Variants in ITPR3 observed in about 807,000 individuals in gnomAD.
ITPR3 encodes the protein inositol 1,4,5-trisphosphate-gated calcium channel ITPR3.
ITPR3 carries 173 observed loss-of-function variants against 293.2 expected under a neutral mutation model. The ratio of observed to expected loss-of-function variants is 0.59; its 90% confidence interval spans 0.52 to 0.67. ITPR3 has a LOEUF of 0.67. Ranked by LOEUF, ITPR3 falls within the 30% of genes least tolerant of loss-of-function variation. ITPR3 has a pLI of 0.00. For synonymous variants in ITPR3, 1,295 were observed against 1,444.4 expected, an observed-to-expected ratio of 0.90 and a Z score of 2.35; for missense variants, 2,796 against 3,592.1, an observed-to-expected ratio of 0.78 and a Z score of 5.66.
rs1489088088 is a variant in ITPR3, at chr6:33,662,015, AAAG to A, written c.712-511_712-509del. ...CTGAAAAAAAAAAAAAAAAAAAAAA[AAAG>A]ACAGGATCCAAACGTGGTATCTCTG... On this transcript the variant is annotated intron_variant, in intron 7 of 57. Coordinates refer to ENST00000605930, the MANE Select transcript of ITPR3 (RefSeq NM_002224.4). Among the ~76,000 whole-genome samples the A allele has an allele frequency of 2.0e-5, 3 of 147,950 alleles. No individual in the cohort carries two copies. In the East Asian group the frequency reaches 5.8e-4, roughly 29 times the overall value.
chr6:33,623,164 G>A (rs570276384), intron 1 of ITPR3, among the ~76,000 whole-genome samples: 15 of 152,188 alleles, frequency 9.9e-5, no homozygotes, highest in Admixed American at 5.2e-4. Context: ...CTGAGGGAAG[G>A]AGGAGAGGGT....
chr6:33,672,957 C>G lies in ITPR3; in HGVS notation c.2929-634C>G, dbSNP rs1764808381. 6.6e-6 allele frequency among the ~76,000 whole-genome samples: 1 copy of G among 152,172 alleles called. No homozygotes were observed. The highest frequency in any genetic ancestry group is 2.1e-4 in the South Asian group (1 of 4,834). On this transcript the variant is annotated intron_variant, in intron 22 of 57. Coordinates refer to ENST00000605930, the MANE Select transcript of ITPR3 (RefSeq NM_002224.4). The surrounding 1 kb of genome is among the most constrained non-coding windows in gnomAD (Gnocchi z 5.0). ...CTTTTGCCTTGCTGTCACCGGAGGG[C>G]AGGAAGGGTAGTGCAGTGACCTCCG...
At chr6:33,645,616 C>T (rs547647864) in intron 2 of ITPR3, among the ~76,000 whole-genome samples, 14 of 152,270 alleles carry the variant, frequency 9.2e-5, no homozygotes, top group East Asian at 3.9e-4. Flanking sequence ...GAGAGGAATG[C>T]GCCTCCATGG....
In ITPR3 at chr6:33,659,122, G is replaced by T. The variant is rs754945847; in HGVS notation, c.627+3G>T. 3 of 1,613,524 alleles carry T rather than the reference G, an allele frequency of 1.9e-6. No individual in the cohort carries two copies. Among genetic ancestry groups the T allele is most frequent in the Non-Finnish European group, 2.5e-6 (3 of 1,179,792 alleles). ...GCGACAACGCCGGCTGCAAGGAGGTGAGGGGGTGGGGGGTCAGCCATGCAG... is the reference window on the plus strand; with the variant it reads ...GCGACAACGCCGGCTGCAAGGAGGTTAGGGGGTGGGGGGTCAGCCATGCAG... On this transcript the variant is annotated splice_donor_region_variant and intron_variant, in intron 6 of 57. Transcript: ENST00000605930.
chr6:33,628,980 A>C (rs1055494963), intron 1 of ITPR3, among the ~76,000 whole-genome samples: 1 of 152,196 alleles, frequency 6.6e-6, no homozygotes, highest in Non-Finnish European at 1.5e-5. Context: ...GGGAAAATTA[A>C]GTCTGTGTCT....
Position 33,670,567 on chromosome 6 carries a change from C to A in ITPR3, c.2432C>A (p.Thr811Asn), listed in dbSNP as rs1372557380. ...TGGACTGAGATCCCCACAGCCATCA[C>A]CATCAAGGAGTGAGAGGGGTGGAGG... ...RLWTEIPTAITIKDYDSNLNA... is the reference protein window; with the variant it reads ...RLWTEIPTAINIKDYDSNLNA... The change falls in exon 19 of 58, where the codon ACC becomes AAC. Residue 811 changes from threonine (T) to asparagine (N), a missense_variant. Around this residue, in one of 8 missense-constraint regions of ITPR3, gnomAD observed 955 missense variants for 1,180.8 expected, o/e 0.81. Transcript: ENST00000605930. This position sits in a 1 kb window ranked among gnomAD's most constrained non-coding sequence, Gnocchi z 6.7. 6.2e-7 allele frequency: 1 copy of A among 1,613,268 alleles called. No individual in the cohort carries two copies. The highest frequency in any genetic ancestry group is 8.5e-7 in the Non-Finnish European group (1 of 1,179,848).
At chr6:33,694,254 G>A (rs1179576834) in intron 56 of ITPR3, 1 of 156,354 alleles carries the variant, frequency 6.4e-6, no homozygotes, top group Non-Finnish European at 1.4e-5. Flanking sequence ...TCCAATTTCT[G>A]TAATAATGGA....
At chr6:33,626,269 C>T (rs561953651) in intron 1 of ITPR3, among the ~76,000 whole-genome samples, 34 of 152,246 alleles carry the variant, frequency 2.2e-4, no homozygotes, top group African/African-American at 7.9e-4. Flanking sequence ...CCTGCCTTCT[C>T]AGAGTGAGTT....
In ITPR3 at chr6:33,662,640, C is replaced by T; in HGVS notation, c.824C>T (p.Ser275Leu). The change falls in exon 8 of 58, where the codon TCG (serine) becomes TTG (leucine). Residue 275 changes from serine (S) to leucine (L), a missense_variant. Around this residue, in one of 8 missense-constraint regions of ITPR3, gnomAD observed 955 missense variants for 1,180.8 expected, o/e 0.81. Coordinates refer to ENST00000605930, the MANE Select transcript of ITPR3 (RefSeq NM_002224.4). ...LRTTLRQSAT[S>L]ATSSNALWEV... The stretch of plus-strand genomic sequence containing the variant: ...ACTACACTGCGCCAGTCTGCCACCT[C>T]GGCCACCAGCTCCAATGCTCTCTGG... 4.3e-6 allele frequency: 7 copies of T among 1,610,218 alleles called. No homozygotes were observed. Among genetic ancestry groups the T allele is most frequent in the Non-Finnish European group, 5.9e-6 (7 of 1,179,972 alleles).
At position 33,673,773 on chromosome 6, in the gene ITPR3, C is replaced by A. The variant is rs924211867; in HGVS notation, c.3058+53C>A. ...AGGCTGTGCGACTCTCCCAGGGATA[C>A]ACAGCAGTGGGGTGGAGCCAGCTCC... is the stretch of plus-strand genomic sequence containing the variant. On this transcript the variant is annotated intron_variant, in intron 23 of 57. Coordinates refer to ENST00000605930, the MANE Select transcript of ITPR3 (RefSeq NM_002224.4). 6 of 1,600,080 alleles carry A rather than the reference C, an allele frequency of 3.7e-6. No individual in the cohort carries two copies. In the African/African-American group the frequency reaches 6.7e-5, roughly 18 times the overall value.
chr6:33,675,872 G>C lies in ITPR3; in HGVS notation c.3282+16G>C. On this transcript the variant is annotated intron_variant, in intron 25 of 57. Transcript: ENST00000605930. The surrounding 1 kb of genome is among the most constrained non-coding windows in gnomAD (Gnocchi z 5.0). Reference sequence around the variant, plus strand: ...CTTCAAGCAGGTGACGGGACTACCTGGCCCTGGCCCTGAGCATGAGGCCTG... The same window carrying C: ...CTTCAAGCAGGTGACGGGACTACCTCGCCCTGGCCCTGAGCATGAGGCCTG... 2 of 1,544,910 alleles carry C rather than the reference G, an allele frequency of 1.3e-6. No homozygotes were observed. Among genetic ancestry groups the C allele is most frequent in the Non-Finnish European group, 1.7e-6 (2 of 1,143,500 alleles).
Position 33,684,656 on chromosome 6 carries a change from C to G in ITPR3, c.5105C>G (p.Ser1702Trp). 6.2e-7 allele frequency: 1 copy of G among 1,614,108 alleles called. No homozygotes were observed. The highest frequency in any genetic ancestry group is 8.5e-7 in the Non-Finnish European group (1 of 1,180,024). Residue 1702 changes from serine to tryptophan, a missense_variant, in exon 38 of 58, where the codon TCG (serine) becomes TGG (tryptophan). Physicochemically the swap from Ser to Trp is radical, Grantham distance 177. Coordinates refer to ENST00000605930, the MANE Select transcript of ITPR3 (RefSeq NM_002224.4). This position sits in a 1 kb window ranked among gnomAD's most constrained non-coding sequence, Gnocchi z 4.2. The part of the protein sequence containing the change: ...QNYLQNRKST[S>W]RGDLPDPIGT... ...TACCTCCAGAACCGGAAGTCCACCT[C>G]GCGGGGGGACCTTCCCGACCCCATA...
In ITPR3 at chr6:33,688,302, C is replaced by T; in HGVS notation, c.6439C>T (p.Leu2147=). The change falls in exon 48 of 58, where the codon CTG becomes TTG. Residue 2147 remains leucine, a synonymous_variant. Transcript: ENST00000605930. ...VFPVPGICQF[L]TEETKHRLFT... ...CCCAGTGCCCGGCATCTGCCAGTTC[C>T]TGACGGAGGAAACCAAGCACCGGCT... The T allele has an allele frequency of 6.2e-7, 1 of 1,614,214 alleles. No homozygotes were observed. Among genetic ancestry groups the T allele is most frequent in the Non-Finnish European group, 8.5e-7 (1 of 1,180,030 alleles).
rs760454782 is a variant in ITPR3 at position 33,672,247 on chromosome 6, T to C, written c.2928+19T>C. The C allele has an allele frequency of 6.3e-7, 1 of 1,594,018 alleles. No individual in the cohort carries two copies. Among genetic ancestry groups the C allele is most frequent in the Non-Finnish European group, 8.6e-7 (1 of 1,168,204 alleles). On this transcript the variant is annotated intron_variant, in intron 22 of 57. Coordinates refer to ENST00000605930, the MANE Select transcript of ITPR3 (RefSeq NM_002224.4). This position sits in a 1 kb window ranked among gnomAD's most constrained non-coding sequence, Gnocchi z 5.0. ...CCTTCAGGTGCCTGGGCCAGGACCGTGTGGGAGGTGTTGGGTATAGGGGGA... is the reference window on the plus strand; with the variant it reads ...CCTTCAGGTGCCTGGGCCAGGACCGCGTGGGAGGTGTTGGGTATAGGGGGA...
chr6:33,658,539 T>G lies in ITPR3; in HGVS notation c.370-131T>G. 2 of 1,086,840 alleles carry G rather than the reference T, an allele frequency of 1.8e-6. No homozygotes were observed. Among genetic ancestry groups the G allele is most frequent in the East Asian group, 2.4e-5 (1 of 42,026 alleles). 67.3% of individuals were successfully genotyped at this position (1,086,840 alleles called of 1,614,324 possible). On this transcript the variant is annotated intron_variant, in intron 4 of 57. Coordinates refer to ENST00000605930, the MANE Select transcript of ITPR3 (RefSeq NM_002224.4). This position sits in a 1 kb window ranked among gnomAD's most constrained non-coding sequence, Gnocchi z 6.1. ...GAATGTGGGTGTCAGCCTGTATGTT[T>G]GTGACAGGTGTCTGACACTATGTGT...
intron 23 of ITPR3, among the ~76,000 whole-genome samples, 191 bp from the exon 24 acceptor site, chr6:33,674,017 C>T (rs373838954): frequency 2.6e-5 from 4 of 152,202 alleles, no homozygotes; most frequent in African/African-American, 4.8e-5. Flanking sequence ...ATCTCTGCCC[C>T]CTTTGTACTG....
rs1298405613 is a variant in ITPR3 at position 33,655,753 on chromosome 6, T to C, written c.161-13T>C. On this transcript the variant is annotated splice_polypyrimidine_tract_variant and intron_variant, in intron 2 of 57. Coordinates refer to ENST00000605930, the MANE Select transcript of ITPR3 (RefSeq NM_002224.4). The surrounding 1 kb of genome is among the most constrained non-coding windows in gnomAD (Gnocchi z 4.9). Reference sequence around the variant, plus strand: ...TGAATCATTCCCCTCACCCCCAACCTGCCCCACCACAGACTGCCTCTTCAA... The same window carrying C: ...TGAATCATTCCCCTCACCCCCAACCCGCCCCACCACAGACTGCCTCTTCAA... 1.2e-6 allele frequency: 2 copies of C among 1,613,714 alleles called. No homozygotes were observed.
In ITPR3 at chr6:33,678,489, C is replaced by T; in HGVS notation, c.3717C>T (p.Asn1239=). 1 of 1,613,664 alleles carries T rather than the reference C, an allele frequency of 6.2e-7. No individual in the cohort carries two copies. The highest frequency in any genetic ancestry group is 8.5e-7 in the Non-Finnish European group (1 of 1,180,014). Residue 1239 remains asparagine, a synonymous_variant, in exon 29 of 58, where the codon AAC becomes AAT. Coordinates refer to ENST00000605930, the MANE Select transcript of ITPR3 (RefSeq NM_002224.4). Reference sequence around the variant, plus strand: ...TCCTGCAGAAGTTCTGTGCAGGGAACCCCGGCAACCAGGCCCTGCTGCACA... The same window carrying T: ...TCCTGCAGAAGTTCTGTGCAGGGAATCCCGGCAACCAGGCCCTGCTGCACA... The part of the protein sequence containing the change: ...HQFLQKFCAG[N]PGNQALLHKH...
In ITPR3 at chr6:33,678,728, G is replaced by C. The variant is rs752858514; in HGVS notation, c.3861G>C (p.Val1287=). The change falls in exon 30 of 58, where the codon GTG becomes GTC. Residue 1287 remains valine (V), a synonymous_variant. Coordinates refer to ENST00000605930, the MANE Select transcript of ITPR3 (RefSeq NM_002224.4). ...EISEPVLQHF[V]HLLATHGRHV... is the part of the protein sequence containing the mutation. The stretch of plus-strand genomic sequence containing the variant: ...GCGAGCCTGTGTTGCAGCACTTCGT[G>C]CACCTGCTGGCCACGCACGGGCGCC... 6 of 1,613,464 alleles carry C rather than the reference G, an allele frequency of 3.7e-6. No homozygotes were observed. Among genetic ancestry groups the C allele is most frequent in the Non-Finnish European group, 5.1e-6 (6 of 1,179,852 alleles).
Sources: gnomAD v4.1 joint callset for allele counts (sites outside exome capture counted in the v4.1 genomes callset) on GRCh38, gnomAD v4.1.1 for gene constraint, gnomAD v4.1.1 regional missense constraint, Gnocchi (gnomAD v3.1) non-coding constraint, MANE v1.5 for transcripts, NCBI Gene and HGNC (gene_info 2026-07-23, HGNC 2026-07-21) for gene names.